COL27A1: variants seen among roughly 807,000 people sequenced by gnomAD.
COL27A1 encodes collagen alpha-1(XXVII) chain.
COL27A1 carries 106 observed loss-of-function variants against 251.3 expected under a neutral mutation model. The observed-to-expected ratio is 0.42, with a 90% CI of 0.36 to 0.50. COL27A1 has a LOEUF of 0.50. Among genes scored for constraint, COL27A1 ranks in the 20% least tolerant of loss-of-function variants. The pLI is 0.00. For synonymous variants in COL27A1, 1,000 were observed against 986.3 expected (o/e 1.01, Z -0.26); for missense variants, 2,325 against 2,522.8 (o/e 0.92, Z 1.68).
intron 54 of COL27A1, 94 bp from the exon 55 acceptor site, chr9:114,301,587 TC>T: frequency 6.6e-7 from 1 of 1,520,766 alleles, no homozygotes; most frequent in Non-Finnish European, 8.9e-7. Flanking sequence ...GGAACCATTG[TC>T]CCTGGGTCCC....
intron 3 of COL27A1, among the ~76,000 whole-genome samples, chr9:114,172,024 C>T (rs542066280): frequency 1.4e-4 from 21 of 152,304 alleles, no homozygotes; most frequent in South Asian, 1.0e-3. Flanking sequence ...GCTCCTTCAG[C>T]CCTGACTACT....
intron 28 of COL27A1, among the ~76,000 whole-genome samples, chr9:114,261,991 T>G (rs1834373631): frequency 6.6e-6 from 1 of 152,220 alleles, no homozygotes; most frequent in Non-Finnish European, 1.5e-5. Context: ...TGCTATGGGC[T>G]TCAGGCCAAG....
chr9:114,302,863 T>C (rs1227594382), intron 56 of COL27A1, among the ~76,000 whole-genome samples: 2 of 152,054 alleles, frequency 1.3e-5, no homozygotes, highest in African/African-American at 4.8e-5. Context: ...CACATTGTAC[T>C]ATTGCACGGT....
chr9:114,230,134 ATGAG>A (rs376314990), intron 14 of COL27A1, among the ~76,000 whole-genome samples: 183 of 152,274 alleles, frequency 1.2e-3, no homozygotes, highest in Non-Finnish European at 2.0e-3. Flanking sequence ...AGTTCACACA[ATGAG>A]TGAGTCCCAG....
chr9:114,177,731 T>C (rs1180333184), intron 3 of COL27A1, among the ~76,000 whole-genome samples: 1 of 152,204 alleles, frequency 6.6e-6, no homozygotes, highest in South Asian at 2.1e-4. Context: ...CAAAAACCCA[T>C]GCCATGCTCT....
Position 114,309,178 on chromosome 9 carries a change from C to T in COL27A1, c.5218-82C>T. Reference sequence around the variant, plus strand: ...GCCAGGAAGGGGCCTATCCCTGTTCCCTCCATAGAGAGGCAGGGAACCCTC... The same window carrying T: ...GCCAGGAAGGGGCCTATCCCTGTTCTCTCCATAGAGAGGCAGGGAACCCTC... On this transcript the variant is annotated intron_variant, in intron 59 of 60. Transcript: ENST00000356083. 25 of 1,126,766 alleles carry T rather than the reference C, an allele frequency of 2.2e-5. 1 individual carries two copies. The South Asian group carries it at 3.1e-4, about 14-fold the overall frequency. The allele number at this position is 1,126,766 out of a possible 1,614,324, so 69.8% of individuals were successfully genotyped here.
At chr9:114,205,686 C>A (rs1317399296) in intron 8 of COL27A1, 73 bp from the exon 9 acceptor site, 22 of 1,358,634 alleles carry the variant, frequency 1.6e-5, no homozygotes, top group Non-Finnish European at 2.3e-5. Flanking sequence ...CAGCCCCAGT[C>A]TCCCAGGGTC....
At chr9:114,286,630 T>C (rs886367818) in intron 41 of COL27A1, among the ~76,000 whole-genome samples, 3 of 152,110 alleles carry the variant, frequency 2.0e-5, no homozygotes, top group Non-Finnish European at 4.4e-5. Context: ...AAAAATGATA[T>C]ACCTAATGCT....
chr9:114,157,059 C>T (rs930534007), intron 1 of COL27A1, among the ~76,000 whole-genome samples: 1 of 150,252 alleles, frequency 6.7e-6, no homozygotes, highest in East Asian at 2.0e-4. Flanking sequence ...TCCCCCGCCC[C>T]GCACCCCCTC....
At chr9:114,206,812 G>T (rs915465613) in intron 10 of COL27A1, among the ~76,000 whole-genome samples, 14 of 152,160 alleles carry the variant, frequency 9.2e-5, no homozygotes, top group African/African-American at 3.4e-4. Context: ...AGCCTCAGTT[G>T]CCTACCTCTA....
Position 114,252,880 on chromosome 9 carries a change from G to T in COL27A1, c.3089G>T (p.Gly1030Val). 1.2e-6 allele frequency: 2 copies of T among 1,613,982 alleles called. No homozygotes were observed. The highest frequency in any genetic ancestry group is 1.7e-6 in the Non-Finnish European group (2 of 1,179,902). Residue 1030 changes from glycine to valine, a missense_variant and splice_region_variant, in exon 27 of 61, where the codon GGT (glycine) becomes GTT (valine). Physicochemically the swap from Gly to Val is moderately radical, Grantham distance 109. Transcript: ENST00000356083. ...CCTTTGTCTTCTCTGTCTTGGCAGGGTCATCCTGGAATGCCAGGTGGTATG... is the reference window on the plus strand; with the variant it reads ...CCTTTGTCTTCTCTGTCTTGGCAGGTTCATCCTGGAATGCCAGGTGGTATG... ...PGVPGPKGSMGHPGMPGGMGT... is the reference protein window; with the variant it reads ...PGVPGPKGSMVHPGMPGGMGT...
chr9:114,185,764 G>A (rs545470348), intron 5 of COL27A1, among the ~76,000 whole-genome samples: 214 of 152,324 alleles, frequency 1.4e-3, no homozygotes, highest in East Asian at 1.4e-3. Flanking sequence ...CACCCACTAC[G>A]GGCTGTTGAC....
intron 11 of COL27A1, 67 bp downstream of exon 11, chr9:114,209,795 A>G: frequency 6.7e-7 from 1 of 1,492,132 alleles, no homozygotes; most frequent in Non-Finnish European, 9.3e-7. Flanking sequence ...AGAACCTGCC[A>G]GGCACCAGCC....
At chr9:114,266,722 GC>G in intron 33 of COL27A1, 104 bp downstream of exon 33, 1 of 1,057,116 alleles carries the variant, frequency 9.5e-7, no homozygotes, top group Non-Finnish European at 1.5e-6. Context: ...CCCTGTCCTG[GC>G]CCAGGGAGAT....
chr9:114,309,517 A>G, intron 60 of COL27A1, 39 bp downstream of exon 60: 1 of 1,524,624 alleles, frequency 6.6e-7, no homozygotes, highest in Non-Finnish European at 9.0e-7. Flanking sequence ...TCATGTGGGG[A>G]CAACTGGAAA....
chr9:114,290,483 C>T lies in COL27A1; in HGVS notation c.4368+152C>T. ...GTTCTCTGGGGTGGGCAACCATCTC[C>T]TCCCCTGGCACCTGGGAGTGTGGAC... On this transcript the variant is annotated intron_variant, in intron 47 of 60. Transcript: ENST00000356083. This position sits in a 1 kb window ranked among gnomAD's most constrained non-coding sequence, Gnocchi z 4.6. 1 of 727,984 alleles carries T rather than the reference C, an allele frequency of 1.4e-6. No homozygotes were observed. Among genetic ancestry groups the T allele is most frequent in the South Asian group, 1.6e-5 (1 of 60,720 alleles). 45.1% of individuals were successfully genotyped at this position (727,984 alleles called of 1,614,324 possible).
chr9:114,301,735 G>A lies in COL27A1; in HGVS notation c.4845+18G>A. 1 of 1,611,406 alleles carries A rather than the reference G, an allele frequency of 6.2e-7. No individual in the cohort carries two copies. Among genetic ancestry groups the A allele is most frequent in the Non-Finnish European group, 8.5e-7 (1 of 1,178,520 alleles). On this transcript the variant is annotated intron_variant, in intron 55 of 60. Transcript: ENST00000356083. ...GCCCCCCGGTAGGTAACTGAGTGCTGGGTGCATCTTGGACTCCTGGGGGGT... is the reference window on the plus strand; with the variant it reads ...GCCCCCCGGTAGGTAACTGAGTGCTAGGTGCATCTTGGACTCCTGGGGGGT...
rs768734190 is a variant in COL27A1, at chr9:114,290,304, T to C, written c.4341T>C (p.Pro1447=). 6.3e-7 allele frequency: 1 copy of C among 1,583,196 alleles called. No individual in the cohort carries two copies. Among genetic ancestry groups the C allele is most frequent in the South Asian group, 1.2e-5 (1 of 86,660 alleles). ...GCATCGCTGGACCAGATGGGCTTCC[T>C]GGCAGGGACGGGCAAGCAGGACAGC... is the stretch of plus-strand genomic sequence containing the variant. ...LEGIAGPDGL[P]GRDGQAGQQG... Residue 1447 remains proline (P), a synonymous_variant, in exon 47 of 61, where the codon CCT becomes CCC. Transcript: ENST00000356083. The surrounding 1 kb of genome is among the most constrained non-coding windows in gnomAD (Gnocchi z 4.6).
chr9:114,298,153 A>G (rs1828379926), intron 49 of COL27A1, among the ~76,000 whole-genome samples: 1 of 150,978 alleles, frequency 6.6e-6, no homozygotes. Flanking sequence ...AAAAAAAAGT[A>G]CAAGATATGT....
Sources: allele counts gnomAD v4.1 joint callset (sites outside exome capture counted in the v4.1 genomes callset), GRCh38; gene constraint gnomAD v4.1.1; non-coding constraint Gnocchi (gnomAD v3.1); transcripts MANE v1.5; gene names NCBI Gene and HGNC (gene_info 2026-07-23, HGNC 2026-07-21).